The following SEMA4D variants were observed in gnomAD, a reference collection of about 807,000 sequenced individuals.
SEMA4D encodes the protein semaphorin-4D.
Under a neutral mutation model 74.8 loss-of-function variants are expected in SEMA4D, and 22 were observed. The ratio of observed to expected loss-of-function variants is 0.29; its 90% CI spans 0.21 to 0.42. The LOEUF is 0.42. Ranked by LOEUF, SEMA4D falls within the 10% of genes least tolerant of loss-of-function variation. The pLI, the probability that SEMA4D is intolerant of heterozygous loss-of-function variation, is 1.00. For synonymous variants in SEMA4D, 445 were observed against 463.7 expected (o/e 0.96, Z 0.52); for missense variants, 937 against 1,118.4 (o/e 0.84, Z 2.31).
chr9:89,403,113 A>G (rs1421418590), intron 3 of SEMA4D, 97 bp from the exon 4 acceptor site: 1 of 1,384,960 alleles, frequency 7.2e-7, no homozygotes, highest in Non-Finnish European at 1.0e-6. Context: ...TCTCAGTGAC[A>G]ATGAGCACGT....
intron 16 of SEMA4D, chr9:89,365,663 C>T (rs986228372): frequency 6.6e-6 from 1 of 152,224 alleles, no homozygotes; most frequent in African/African-American, 2.4e-5. Flanking sequence ...AATTCCAGAG[C>T]CAAAAGAGTC....
intron 2 of SEMA4D, among the ~76,000 whole-genome samples, chr9:89,446,909 C>CT (rs1491574973): frequency 3.9e-5 from 6 of 152,174 alleles, no homozygotes; most frequent in Admixed American, 2.6e-4. Context: ...GGGCGTGCCC[C>CT]TGTGGGATAG....
chr9:89,387,118 C>T, intron 12 of SEMA4D: 1 of 404,474 alleles, frequency 2.5e-6, no homozygotes, highest in Non-Finnish European at 4.4e-6. Flanking sequence ...GCGGCCAGTA[C>T]TCCTCTGCCC....
intron 1 of SEMA4D, among the ~76,000 whole-genome samples, chr9:89,489,812 G>A (rs142943834): frequency 1.2e-4 from 19 of 152,338 alleles, no homozygotes; most frequent in African/African-American, 4.1e-4. Flanking sequence ...GTGAACAGCC[G>A]TGTATAAGTT....
chr9:89,394,333 A>G (rs1424944788), intron 6 of SEMA4D, among the ~76,000 whole-genome samples: 1 of 152,232 alleles, frequency 6.6e-6, no homozygotes, highest in Non-Finnish European at 1.5e-5. Flanking sequence ...GCAAGGTTAA[A>G]TATGTGACAA....
At chr9:89,369,413 G>A (rs973700676) in intron 16 of SEMA4D, 1 of 152,244 alleles carries the variant, frequency 6.6e-6, no homozygotes, top group Non-Finnish European at 1.5e-5. Context: ...ACCATTATTA[G>A]CTTTGAAAAT....
intron 2 of SEMA4D, among the ~76,000 whole-genome samples, chr9:89,439,633 G>A (rs985250621): frequency 2.0e-5 from 3 of 152,212 alleles, no homozygotes; most frequent in Admixed American, 6.5e-5. Context: ...ACAATGTGGT[G>A]CAGCATTTAT....
chr9:89,385,831 G>T, intron 13 of SEMA4D: 2 of 881,866 alleles, frequency 2.3e-6, no homozygotes, highest in Non-Finnish European at 2.7e-6. Context: ...AGGAGCCAGG[G>T]CCAGGGAGGC....
chr9:89,442,258 G>C (rs922978197), intron 2 of SEMA4D, among the ~76,000 whole-genome samples: 1 of 152,172 alleles, frequency 6.6e-6, no homozygotes, highest in South Asian at 2.1e-4. Flanking sequence ...TGGGCACCAC[G>C]GCTGCCACGA....
intron 4 of SEMA4D, 78 bp from the exon 5 acceptor site, chr9:89,399,416 A>C (rs557902294): frequency 9.0e-7 from 1 of 1,110,184 alleles, no homozygotes; most frequent in Non-Finnish European, 1.4e-6. Flanking sequence ...TTAAAAGCAC[A>C]TGATAGAGTT....
At position 89,379,024 on chromosome 9, in the gene SEMA4D, T is replaced by G; in HGVS notation, c.2269A>C (p.Lys757Gln). 6.2e-7 allele frequency: 1 copy of G among 1,611,848 alleles called. No individual in the cohort carries two copies. Among genetic ancestry groups the G allele is most frequent in the Non-Finnish European group, 8.5e-7 (1 of 1,178,772 alleles). ...FLCLFFYNCY[K>Q]GYLPRQCLKF... ...AAGCACTGTCTGGGCAGGTATCCCTTATAGCAGTTGTAGAAAAAGAGGCAG... is the reference window on the plus strand; with the variant it reads ...AAGCACTGTCTGGGCAGGTATCCCTGATAGCAGTTGTAGAAAAAGAGGCAG... The change falls in exon 16 of 16, where the codon AAG (lysine) becomes CAG (glutamine). Residue 757 changes from lysine to glutamine, a missense_variant. By Grantham distance (53) the Lys-to-Gln change is moderately conservative (BLOSUM62 1). Coordinates refer to ENST00000422704, the MANE Select transcript of SEMA4D (RefSeq NM_001371194.2).
At chr9:89,414,625 C>A (rs1017188908) in intron 2 of SEMA4D, among the ~76,000 whole-genome samples, 9 of 152,192 alleles carry the variant, frequency 5.9e-5, no homozygotes, top group African/African-American at 1.9e-4. Flanking sequence ...ATGGCCTTAT[C>A]CCATCAGGAA....
At chr9:89,364,107 C>T (rs1833199493) in intron 16 of SEMA4D, 2 of 1,486,328 alleles carry the variant, frequency 1.3e-6, no homozygotes, top group Non-Finnish European at 1.8e-6. Flanking sequence ...CTGGAGGTGG[C>T]TTCCCCATGG....
At chr9:89,483,273 C>T (rs1041901532) in intron 1 of SEMA4D, among the ~76,000 whole-genome samples, 1 of 152,230 alleles carries the variant, frequency 6.6e-6, no homozygotes, top group East Asian at 1.9e-4. Flanking sequence ...AGCCACTGCC[C>T]TCAGCATTCA....
intron 2 of SEMA4D, among the ~76,000 whole-genome samples, chr9:89,414,291 G>T (rs547023968): frequency 3.7e-4 from 56 of 152,314 alleles, no homozygotes; most frequent in African/African-American, 1.3e-3. Flanking sequence ...TGACCTCACT[G>T]CATGCAAACT....
intron 13 of SEMA4D, among the ~76,000 whole-genome samples, chr9:89,382,116 C>A (rs1837239407): frequency 6.6e-6 from 1 of 152,172 alleles, no homozygotes; most frequent in East Asian, 1.9e-4. Flanking sequence ...CCCATCAGCC[C>A]ACCTGGCACC....
At chr9:89,447,376 T>G in intron 2 of SEMA4D, among the ~76,000 whole-genome samples, 1 of 151,492 alleles carries the variant, frequency 6.6e-6, no homozygotes, top group Admixed American at 6.6e-5. Context: ...GCTTCCTGTG[T>G]CCCCAAACCA....
intron 4 of SEMA4D, among the ~76,000 whole-genome samples, chr9:89,399,923 G>A (rs536736558): frequency 4.7e-5 from 7 of 150,054 alleles, no homozygotes; most frequent in African/African-American, 7.4e-5. Context: ...TCTTGAACCC[G>A]GGAGGCGAAG....
At chr9:89,458,626 C>A in intron 1 of SEMA4D, among the ~76,000 whole-genome samples, 1 of 152,010 alleles carries the variant, frequency 6.6e-6, no homozygotes. Context: ...CACCCACATA[C>A]CCATGTAAGC....
Sources: gnomAD v4.1 joint callset for allele counts (sites outside exome capture counted in the v4.1 genomes callset) on GRCh38, gnomAD v4.1.1 for gene constraint, MANE v1.5 for transcripts, NCBI Gene and HGNC (gene_info 2026-07-23, HGNC 2026-07-21) for gene names.